The following RYR2 variants were observed in gnomAD, a reference collection of about 807,000 sequenced individuals.
RYR2 encodes cardiac muscle ryanodine receptor-calcium release channel.
RYR2 carries 227 observed loss-of-function variants against 601.1 expected under a neutral mutation model. The ratio of observed to expected loss-of-function variants is 0.38; its 90% CI spans 0.34 to 0.42. The LOEUF (loss-of-function observed/expected upper bound fraction) is 0.42. Among genes scored for constraint, RYR2 ranks in the 10% least tolerant of loss-of-function variants. The pLI, the probability that RYR2 is intolerant of heterozygous loss-of-function variation, is 1.00. For synonymous variants in RYR2, 2,223 were observed against 2,175.1 expected (o/e 1.02, Z -0.61); for missense variants, 4,646 against 6,156.5 (o/e 0.75, Z 8.21).
At chr1:237,662,677 T>C (rs746581080) in intron 56 of RYR2, among the ~76,000 whole-genome samples, 2 of 152,200 alleles carry the variant, frequency 1.3e-5, no homozygotes, top group Non-Finnish European at 2.9e-5. Flanking sequence ...TTTGTTCTAA[T>C]AGTAAGCCCT....
intron 1 of RYR2, among the ~76,000 whole-genome samples, chr1:237,101,042 G>A (rs1264111435): frequency 2.6e-5 from 4 of 152,062 alleles, no homozygotes; most frequent in Non-Finnish European, 4.4e-5. Flanking sequence ...CTCCCAAGCC[G>A]CATGACGGTG....
chr1:237,471,799 C>T (rs1215812712), intron 17 of RYR2, among the ~76,000 whole-genome samples: 1 of 151,032 alleles, frequency 6.6e-6, no homozygotes, highest in African/African-American at 2.5e-5. Context: ...TGCAGGCATT[C>T]CTAATGAAAA....
At chr1:237,256,063 T>G (rs1687935205) in intron 1 of RYR2, among the ~76,000 whole-genome samples, 2 of 152,092 alleles carry the variant, frequency 1.3e-5, no homozygotes, top group African/African-American at 4.8e-5. Flanking sequence ...GTAGCTCCCA[T>G]AATTCCCACA....
intron 1 of RYR2, among the ~76,000 whole-genome samples, chr1:237,196,749 G>A (rs959287237): frequency 1.3e-5 from 2 of 151,956 alleles, no homozygotes; most frequent in South Asian, 2.1e-4. Flanking sequence ...TAACTATTCC[G>A]GGCACTTTGC....
intron 38 of RYR2, among the ~76,000 whole-genome samples, chr1:237,618,381 T>TAC (rs1678709905): frequency 6.6e-6 from 1 of 152,128 alleles, no homozygotes; most frequent in Admixed American, 6.5e-5. Flanking sequence ...TCCTTTTAAG[T>TAC]ACAACTAAAA....
chr1:237,262,498 C>G (rs1343243457), intron 1 of RYR2, among the ~76,000 whole-genome samples: 1 of 151,898 alleles, frequency 6.6e-6, no homozygotes, highest in African/African-American at 2.4e-5. Flanking sequence ...CTCAGTTGAT[C>G]CACCCGCCTC....
rs1444400636 is a variant in RYR2 at position 237,126,260 on chromosome 1, G to A, written c.48+83691G>A. The stretch of plus-strand genomic sequence containing the variant: ...TCAAAAAAAAAAAAAAAATTGAATA[G>A]TTGGCAGAAAACCCTGTGGTGGCCA... On this transcript the variant is annotated intron_variant, in intron 1 of 104. Coordinates refer to ENST00000366574, the MANE Select transcript of RYR2 (RefSeq NM_001035.3). Among the ~76,000 whole-genome samples the A allele has an allele frequency of 7.9e-5, 12 of 151,230 alleles. No homozygotes were observed. In the South Asian group the frequency reaches 2.5e-3, roughly 31 times the overall value.
chr1:237,167,737 T>C (rs990910927), intron 1 of RYR2, among the ~76,000 whole-genome samples: 3 of 147,552 alleles, frequency 2.0e-5, no homozygotes, highest in Non-Finnish European at 4.5e-5. Flanking sequence ...TTTTTTTAAA[T>C]TTAGAGATGA....
At chr1:237,082,506 T>G (rs895525551) in intron 1 of RYR2, among the ~76,000 whole-genome samples, 35 of 116,856 alleles carry the variant, frequency 3.0e-4, no homozygotes, top group Non-Finnish European at 7.7e-5. Flanking sequence ...CTGTGTTATA[T>G]TCTTTCAAAT....
intron 80 of RYR2, among the ~76,000 whole-genome samples, chr1:237,754,582 G>C (rs2149256782): frequency 6.6e-6 from 1 of 152,258 alleles, no homozygotes; most frequent in East Asian, 1.9e-4. Context: ...TGATAGGACA[G>C]TTTCATGAGC....
At chr1:237,274,022 TA>T (rs1689991514) in intron 2 of RYR2, among the ~76,000 whole-genome samples, 1 of 144,588 alleles carries the variant, frequency 6.9e-6, no homozygotes, top group South Asian at 2.1e-4. Flanking sequence ...AATACATATA[TA>T]TTTTATATTA....
chr1:237,699,743 G>A (rs1406018748), intron 64 of RYR2, among the ~76,000 whole-genome samples: 2 of 152,158 alleles, frequency 1.3e-5, no homozygotes, highest in Admixed American at 6.5e-5. Flanking sequence ...TACAAATAGT[G>A]GCATTAAGGT....
intron 62 of RYR2, among the ~76,000 whole-genome samples, chr1:237,686,562 G>A (rs975652313): frequency 1.2e-4 from 18 of 152,152 alleles, no homozygotes; most frequent in African/African-American, 4.1e-4. Flanking sequence ...AATGAGTGAA[G>A]GGTATTTCTC....
chr1:237,563,136 A>T (rs1671618820), intron 27 of RYR2, among the ~76,000 whole-genome samples: 1 of 152,126 alleles, frequency 6.6e-6, no homozygotes, highest in African/African-American at 2.4e-5. Flanking sequence ...GGCAGGGCAC[A>T]GTGGCTCACA....
intron 62 of RYR2, among the ~76,000 whole-genome samples, chr1:237,686,924 G>A (rs528464651): frequency 4.5e-4 from 69 of 152,230 alleles, no homozygotes; most frequent in African/African-American, 1.6e-3. Flanking sequence ...CTTACGTTAC[G>A]TAAGGAGTGT....
At chr1:237,685,382 T>C (rs1157923682) in intron 62 of RYR2, among the ~76,000 whole-genome samples, 1 of 152,190 alleles carries the variant, frequency 6.6e-6, no homozygotes, top group Non-Finnish European at 1.5e-5. Flanking sequence ...GCAGAGATTG[T>C]CAAGTCCTTT....
At chr1:237,342,008 C>A (rs1379677209) in intron 3 of RYR2, among the ~76,000 whole-genome samples, 2 of 152,124 alleles carry the variant, frequency 1.3e-5, no homozygotes, top group East Asian at 3.9e-4. Context: ...TATCCCTAGT[C>A]ATGGTGTCTT....
chr1:237,724,580 C>A (rs1690046401), intron 74 of RYR2, among the ~76,000 whole-genome samples: 1 of 151,852 alleles, frequency 6.6e-6, no homozygotes, highest in Admixed American at 6.6e-5. Context: ...GAACTTAATA[C>A]TTTCCCCTGA....
At chr1:237,220,015 A>G (rs943504466) in intron 1 of RYR2, among the ~76,000 whole-genome samples, 1 of 152,126 alleles carries the variant, frequency 6.6e-6, no homozygotes, top group African/African-American at 2.4e-5. Flanking sequence ...GGTGTATAGT[A>G]TGTTTGATTG....
Sources: gnomAD v4.1 joint callset for allele counts (sites outside exome capture counted in the v4.1 genomes callset) on GRCh38, gnomAD v4.1.1 for gene constraint, MANE v1.5 for transcripts, NCBI Gene and HGNC (gene_info 2026-07-23, HGNC 2026-07-21) for gene names.